THAP4: variants seen among roughly 807,000 people sequenced by gnomAD.
The protein encoded by THAP4 is peroxynitrite isomerase THAP4.
Under a neutral mutation model 48.1 loss-of-function variants are expected in THAP4, and 18 were observed. The observed-to-expected ratio is 0.37, with a 90% CI of 0.26 to 0.56. The LOEUF is 0.56. THAP4 is among the 20% of genes least tolerant of loss of function. THAP4 has a pLI of 0.78. For synonymous variants in THAP4, 345 were observed against 324.9 expected (o/e 1.06, Z -0.66); for missense variants, 656 against 774.9 (o/e 0.85, Z 1.82).
Position 241,633,399 on chromosome 2 carries a change from C to A in THAP4, c.758G>T (p.Arg253Leu). Residue 253 changes from arginine to leucine, a missense_variant, in exon 2 of 6, where the codon CGA (arginine) becomes CTA (leucine). By Grantham distance (102) the Arg-to-Leu change is moderately radical (BLOSUM62 -2). Around this residue, in one of 4 missense-constraint regions of THAP4, gnomAD observed 391 missense variants for 412.4 expected, o/e 0.95. Coordinates refer to ENST00000407315, the MANE Select transcript of THAP4 (RefSeq NM_015963.6). This position sits in a 1 kb window ranked among gnomAD's most constrained non-coding sequence, Gnocchi z 7.5. Reference sequence around the variant, plus strand: ...CAGCCTCTTGCGGTCAATGGGCTCTCGGGGGACAGATGGCCTTTCTCGGGT... The same window carrying A: ...CAGCCTCTTGCGGTCAATGGGCTCTAGGGGGACAGATGGCCTTTCTCGGGT... Reference protein sequence around the residue: ...KHTRERPSVPREPIDRKRLKK... With the variant: ...KHTRERPSVPLEPIDRKRLKK... The A allele has an allele frequency of 6.2e-7, 1 of 1,613,204 alleles. No homozygotes were observed. The highest frequency in any genetic ancestry group is 8.5e-7 in the Non-Finnish European group (1 of 1,179,972).
intron 5 of THAP4, among the ~76,000 whole-genome samples, chr2:241,592,829 C>A (rs1186126156): frequency 6.6e-6 from 1 of 152,212 alleles, no homozygotes; most frequent in Non-Finnish European, 1.5e-5. Context: ...CCCCAAACAG[C>A]AGTCAGCGGG....
In THAP4 at chr2:241,601,128, A is replaced by AT. The variant is rs2067107969; in HGVS notation, c.1614+767dup. On this transcript the variant is annotated intron_variant, in intron 5 of 5. Transcript: ENST00000407315. This position sits in a 1 kb window ranked among gnomAD's most constrained non-coding sequence, Gnocchi z 4.0. ...ACCCTGTCTCTACTAATAATACAAA[A>AT]TTAGCCAGGCGTGGTGGCGCATGCC... Among the ~76,000 whole-genome samples, 2 of 152,078 alleles carry AT rather than the reference A, an allele frequency of 1.3e-5. No homozygotes were observed. Among genetic ancestry groups the AT allele is most frequent in the South Asian group, 4.1e-4 (2 of 4,828 alleles).
intron 2 of THAP4, among the ~76,000 whole-genome samples, chr2:241,608,389 T>C (rs183487829): frequency 6.6e-6 from 1 of 152,364 alleles, no homozygotes; most frequent in East Asian, 1.9e-4. Context: ...TTTTTGTTTT[T>C]CTTAAATGAT....
Position 241,601,924 on chromosome 2 carries a change from G to C in THAP4, c.1586C>G (p.Ser529Cys). The C allele has an allele frequency of 6.2e-7, 1 of 1,613,860 alleles. No homozygotes were observed. The highest frequency in any genetic ancestry group is 8.5e-7 in the Non-Finnish European group (1 of 1,180,032). The change falls in exon 5 of 6, where the codon TCC (serine) becomes TGC (cysteine). Residue 529 changes from serine to cysteine, a missense_variant. Physicochemically the swap from Ser to Cys is moderately radical, Grantham distance 112 (BLOSUM62 -1). Around this residue, in one of 4 missense-constraint regions of THAP4, gnomAD observed 176 missense variants for 256.7 expected, o/e 0.69. Coordinates refer to ENST00000407315, the MANE Select transcript of THAP4 (RefSeq NM_015963.6). This position sits in a 1 kb window ranked among gnomAD's most constrained non-coding sequence, Gnocchi z 4.0. ...CIASHSIARI[S>C]FAKEPHVEQI... is the part of the protein sequence containing the mutation. ...CTCTACGTGGGGCTCCTTGGCGAAG[G>C]AGATCCTGGCGATGGAGTGGGATGC...
chr2:241,633,864 C>A lies in THAP4; in HGVS notation c.293G>T (p.Gly98Val), dbSNP rs1291324020. 1.2e-6 allele frequency: 2 copies of A among 1,613,790 alleles called. No individual in the cohort carries two copies. The highest frequency in any genetic ancestry group is 1.7e-6 in the Non-Finnish European group (2 of 1,179,864). Reference sequence around the variant, plus strand: ...GCTGGCATCTTTTCTCCGGGTGCGGCCATGGCCTCCAGCCCCCCTCTTCTT... The same window carrying A: ...GCTGGCATCTTTTCTCCGGGTGCGGACATGGCCTCCAGCCCCCCTCTTCTT... ...TEKKRGAGGH[G>V]RTRRKDASKA... Residue 98 changes from glycine (G) to valine (V), a missense_variant, in exon 2 of 6, where the codon GGC (glycine) becomes GTC (valine). Around this residue, in one of 4 missense-constraint regions of THAP4, gnomAD observed 391 missense variants for 412.4 expected, o/e 0.95. Transcript: ENST00000407315. The surrounding 1 kb of genome is among the most constrained non-coding windows in gnomAD (Gnocchi z 7.5).
intron 5 of THAP4, among the ~76,000 whole-genome samples, chr2:241,590,327 G>A (rs71430351): frequency 6.6e-3 from 35 of 5,298 alleles, no homozygotes; most frequent in Admixed American, 0.01. Flanking sequence ...GACACTCAGA[G>A]CTGCCCGGCT....
At chr2:241,588,738 A>G (rs146677705) in intron 5 of THAP4, among the ~76,000 whole-genome samples, 3,653 of 152,334 alleles carry the variant, frequency 0.024, 60 homozygotes, top group Non-Finnish European at 0.038. Flanking sequence ...AAAAATGGAA[A>G]AAACGTGACT....
intron 2 of THAP4, among the ~76,000 whole-genome samples, chr2:241,609,215 GC>G (rs2067229945): frequency 6.6e-6 from 1 of 152,240 alleles, no homozygotes; most frequent in Non-Finnish European, 1.5e-5. Context: ...TGAAGGCAGA[GC>G]CACCCGGATG....
Position 241,633,409 on chromosome 2 carries a change from A to G in THAP4, c.748T>C (p.Ser250Pro). The change falls in exon 2 of 6, where the codon TCT becomes CCT. Residue 250 changes from serine (S) to proline (P), a missense_variant. By Grantham distance (74) the Ser-to-Pro change is moderately conservative (BLOSUM62 -1). This residue lies in a region of THAP4 where 391 missense variants were observed against 412.4 expected (regional missense o/e 0.95). Transcript: ENST00000407315. The surrounding 1 kb of genome is among the most constrained non-coding windows in gnomAD (Gnocchi z 7.5). ...CGGTCAATGGGCTCTCGGGGGACAG[A>G]TGGCCTTTCTCGGGTGTGCTTAGAG... is the stretch of plus-strand genomic sequence containing the variant. ...FSSKHTRERPSVPREPIDRKR... is the reference protein window; with the variant it reads ...FSSKHTRERPPVPREPIDRKR... The G allele has an allele frequency of 6.2e-7, 1 of 1,613,252 alleles. No individual in the cohort carries two copies. Among genetic ancestry groups the G allele is most frequent in the Non-Finnish European group, 8.5e-7 (1 of 1,179,938 alleles).
chr2:241,606,088 T>C (rs961837362), intron 3 of THAP4, among the ~76,000 whole-genome samples: 3 of 152,204 alleles, frequency 2.0e-5, no homozygotes, highest in Non-Finnish European at 4.4e-5. Flanking sequence ...TGTAATTTGG[T>C]GGTCAGCTTA....
chr2:241,589,690 A>G (rs2066933872), intron 5 of THAP4, among the ~76,000 whole-genome samples: 1 of 132,812 alleles, frequency 7.5e-6, no homozygotes, highest in Admixed American at 7.5e-5. Context: ...GTATGCACCC[A>G]AGAGGAAAAA....
At chr2:241,619,995 GT>G (rs1451822144) in intron 2 of THAP4, among the ~76,000 whole-genome samples, 3 of 96,568 alleles carry the variant, frequency 3.1e-5, no homozygotes, top group Admixed American at 1.0e-4. Context: ...TGAGGGGTGA[GT>G]GAGTCAGTGA....
chr2:241,585,912 C>CAAAAAAAAAAA lies in THAP4; in HGVS notation c.1615-1198_1615-1188dup, dbSNP rs1175852721. 5.9e-3 allele frequency among the ~76,000 whole-genome samples: 161 copies of CAAAAAAAAAAA among 27,298 alleles called. 2 individuals carry two copies. The highest frequency in any genetic ancestry group is 9.9e-3 in the Non-Finnish European group (130 of 13,108). The allele number at this position is 27,298 out of a possible 152,430, so 17.9% of individuals were successfully genotyped here. Reference sequence around the variant, plus strand: ...TGGGTGACAGAGCAAGACTCCTTCTCAAAAAAAAAAAAAAAAAGAAAAAAA... The same window carrying CAAAAAAAAAAA: ...TGGGTGACAGAGCAAGACTCCTTCTCAAAAAAAAAAAAAAAAAAAAAAAAAAAAGAAAAAAA... On this transcript the variant is annotated intron_variant, in intron 5 of 5. Coordinates refer to ENST00000407315, the MANE Select transcript of THAP4 (RefSeq NM_015963.6).
At chr2:241,637,552 T>C, upstream of THAP4, 1 of 1,476,084 alleles carries the variant, frequency 6.8e-7, no homozygotes, top group Non-Finnish European at 8.9e-7. Context: ...GGCCCGGCCG[T>C]ACGCCAAAAT....
chr2:241,589,924 G>A (rs566226907), intron 5 of THAP4, among the ~76,000 whole-genome samples: 1 of 152,108 alleles, frequency 6.6e-6, no homozygotes, highest in Non-Finnish European at 1.5e-5. Context: ...GGAAACAAAT[G>A]AGTTGTGTGC....
chr2:241,586,071 G>C (rs111374870), intron 5 of THAP4, among the ~76,000 whole-genome samples: 1 of 151,160 alleles, frequency 6.6e-6, no homozygotes, highest in Admixed American at 6.6e-5. Context: ...CTGGCTAACA[G>C]GGTGAAACCC....
intron 2 of THAP4, among the ~76,000 whole-genome samples, chr2:241,622,822 C>G (rs2067448636): frequency 1.3e-5 from 2 of 152,076 alleles, no homozygotes; most frequent in South Asian, 4.2e-4. Context: ...AGGCTGGTCT[C>G]AAACTCCTGG....
chr2:241,620,759 A>G (rs2067420227), intron 2 of THAP4, among the ~76,000 whole-genome samples: 1 of 151,986 alleles, frequency 6.6e-6, no homozygotes, highest in African/African-American at 2.4e-5. Context: ...AGGCTACACT[A>G]AATCGATTAA....
chr2:241,608,287 G>A (rs2067214129), intron 2 of THAP4, among the ~76,000 whole-genome samples: 1 of 152,228 alleles, frequency 6.6e-6, no homozygotes, highest in African/African-American at 2.4e-5. Flanking sequence ...TCTGCCTGCT[G>A]GCTGCACAGG....
Sources: gnomAD v4.1 joint callset for allele counts (sites outside exome capture counted in the v4.1 genomes callset) on GRCh38, gnomAD v4.1.1 for gene constraint, gnomAD v4.1.1 regional missense constraint, Gnocchi (gnomAD v3.1) non-coding constraint, MANE v1.5 for transcripts, NCBI Gene and HGNC (gene_info 2026-07-23, HGNC 2026-07-21) for gene names.